Variants in GABRB1 observed in about 807,000 individuals in gnomAD.
The protein encoded by GABRB1 is gamma-aminobutyric acid type A receptor subunit beta1, also known as gamma-aminobutyric acid receptor subunit beta-1.
Under a neutral mutation model 51.6 loss-of-function variants are expected in GABRB1, and 17 were observed. That is an observed-to-expected ratio of 0.33 (90% CI 0.23 to 0.49). The LOEUF is 0.49. GABRB1 is among the 20% of genes least tolerant of loss of function. The probability of loss-of-function intolerance (pLI) is 0.99; values close to 1 mark genes in which losing one functional copy is unlikely to be tolerated. For missense variants in GABRB1, 410 were observed against 600.6 expected (o/e 0.68, Z 3.32); for synonymous variants, 247 against 218.9 (o/e 1.13, Z -1.14).
intron 3 of GABRB1, among the ~76,000 whole-genome samples, chr4:47,073,229 C>A (rs1727413654): frequency 3.3e-5 from 5 of 152,240 alleles, no homozygotes; most frequent in Admixed American, 2.6e-4. Flanking sequence ...AACAGCATAG[C>A]CCCTTTGTTA....
At chr4:47,087,665 A>G (rs1379450609) in intron 3 of GABRB1, among the ~76,000 whole-genome samples, 1 of 151,994 alleles carries the variant, frequency 6.6e-6, no homozygotes, top group African/African-American at 2.4e-5. Flanking sequence ...CCCTAATATT[A>G]TGGAGTTTTC....
chr4:47,260,226 AT>A (rs1314675808), intron 4 of GABRB1, among the ~76,000 whole-genome samples: 1 of 151,646 alleles, frequency 6.6e-6, no homozygotes. Flanking sequence ...GTGTCTCTGC[AT>A]GTGAGATGGG....
chr4:47,061,587 G>C (rs1726846388), intron 3 of GABRB1, among the ~76,000 whole-genome samples: 1 of 152,140 alleles, frequency 6.6e-6, no homozygotes, highest in African/African-American at 2.4e-5. Context: ...GGTTAACAAT[G>C]TTTTAAGGAA....
intron 3 of GABRB1, among the ~76,000 whole-genome samples, chr4:47,131,714 G>C (rs924148356): frequency 1.3e-5 from 2 of 152,036 alleles, no homozygotes; most frequent in Non-Finnish European, 2.9e-5. Context: ...CCAATACCTG[G>C]GGTATTAGGG....
At chr4:47,399,708 T>C (rs1045455450) in intron 5 of GABRB1, among the ~76,000 whole-genome samples, 28 of 152,196 alleles carry the variant, frequency 1.8e-4, no homozygotes, top group African/African-American at 6.8e-4. Flanking sequence ...AGAAGTGGTA[T>C]TTTGGCAGGG....
At position 47,165,523 on chromosome 4, in the gene GABRB1, C is replaced by G. The variant is rs1255458220; in HGVS notation, c.461+4054C>G. Among the ~76,000 whole-genome samples, 6 of 152,256 alleles carry G rather than the reference C, an allele frequency of 3.9e-5. No individual in the cohort carries two copies. In the East Asian group the frequency reaches 1.2e-3, roughly 29 times the overall value. On this transcript the variant is annotated intron_variant, in intron 4 of 8. Transcript: ENST00000295454. ...TTCTCAATCTCTACTCTTGACTTCT[C>G]CGAATGCTTTAAGAGTAATGACTGA...
chr4:47,343,241 G>A (rs189950025), intron 5 of GABRB1, among the ~76,000 whole-genome samples: 1 of 152,182 alleles, frequency 6.6e-6, no homozygotes. Context: ...AATGGGACTT[G>A]AACTTGGACA....
chr4:47,351,428 C>A (rs1287655800), intron 5 of GABRB1, among the ~76,000 whole-genome samples: 1 of 151,994 alleles, frequency 6.6e-6, no homozygotes, highest in East Asian at 1.9e-4. Context: ...TATTATTATA[C>A]TTTAAGTTTT....
chr4:47,191,024 G>A (rs1719422085), intron 4 of GABRB1, among the ~76,000 whole-genome samples: 1 of 152,086 alleles, frequency 6.6e-6, no homozygotes, highest in Non-Finnish European at 1.5e-5. Context: ...GTCTTTTCGG[G>A]TCATTAAGCT....
At chr4:47,019,090 A>T (rs538287849) in intron 1 of GABRB1, among the ~76,000 whole-genome samples, 5 of 152,162 alleles carry the variant, frequency 3.3e-5, no homozygotes, top group Non-Finnish European at 7.3e-5. Flanking sequence ...AGACCTCAAA[A>T]CTCAAGACCT....
intron 1 of GABRB1, among the ~76,000 whole-genome samples, chr4:47,022,435 C>T (rs1014579366): frequency 3.9e-5 from 6 of 152,046 alleles, no homozygotes; most frequent in Non-Finnish European, 8.8e-5. Context: ...AAAAGAATGA[C>T]AAATTATTCT....
intron 1 of GABRB1, among the ~76,000 whole-genome samples, chr4:47,019,569 C>G (rs1724847492): frequency 6.6e-6 from 1 of 151,376 alleles, no homozygotes; most frequent in Admixed American, 6.6e-5. Flanking sequence ...CTCTCTCTCT[C>G]TCTCTCTCCC....
At chr4:47,425,487 TA>T (rs1381435303) in intron 8 of GABRB1, among the ~76,000 whole-genome samples, 186 bp from the exon 9 acceptor site, 4 of 137,456 alleles carry the variant, frequency 2.9e-5, no homozygotes, top group African/African-American at 1.1e-4. Context: ...TGATGATAGA[TA>T]GATAGATAGA....
At chr4:47,133,925 A>G (rs1365437532) in intron 3 of GABRB1, among the ~76,000 whole-genome samples, 1 of 152,174 alleles carries the variant, frequency 6.6e-6, no homozygotes, top group African/African-American at 2.4e-5. Flanking sequence ...ATTTTCATTC[A>G]CTAGCTTTAG....
intron 4 of GABRB1, among the ~76,000 whole-genome samples, chr4:47,180,395 TA>T (rs1181564672): frequency 6.6e-6 from 1 of 152,006 alleles, no homozygotes; most frequent in East Asian, 1.9e-4. Flanking sequence ...ATATTTCTGA[TA>T]AAAAACATTA....
intron 1 of GABRB1, chr4:46,994,285 C>G (rs1247558130): frequency 6.6e-6 from 1 of 152,278 alleles, no homozygotes; most frequent in Non-Finnish European, 1.5e-5. Flanking sequence ...CGCTTTGCTG[C>G]TCCATCCTTT....
intron 4 of GABRB1, among the ~76,000 whole-genome samples, chr4:47,206,794 G>C (rs1292185894): frequency 6.6e-6 from 1 of 151,476 alleles, no homozygotes; most frequent in Non-Finnish European, 1.5e-5. Context: ...TGTACAGCTA[G>C]AGAATATAAT....
intron 4 of GABRB1, among the ~76,000 whole-genome samples, chr4:47,263,979 TA>T (rs139613069): frequency 0.2 from 28,625 of 140,090 alleles, 2,739 homozygotes; most frequent in East Asian, 0.26. Context: ...ACAAAAAAAA[TA>T]AAAAAAAAAA....
intron 4 of GABRB1, among the ~76,000 whole-genome samples, chr4:47,200,297 A>G (rs1170507294): frequency 6.6e-6 from 1 of 152,140 alleles, no homozygotes; most frequent in Non-Finnish European, 1.5e-5. Flanking sequence ...TGATAATCAC[A>G]AAGTCAAGAG....
Sources: allele counts gnomAD v4.1 joint callset (sites outside exome capture counted in the v4.1 genomes callset), GRCh38; gene constraint gnomAD v4.1.1; transcripts MANE v1.5; gene names NCBI Gene and HGNC (gene_info 2026-07-23, HGNC 2026-07-21).